PRKN: variants seen among roughly 807,000 people sequenced by gnomAD.
PRKN encodes the protein parkin RBR E3 ubiquitin protein ligase.
In PRKN, 56 loss-of-function variants were observed where a neutral mutation model predicts 59.5. That is an observed-to-expected ratio of 0.94 (90% CI 0.76 to 1.18). PRKN has a LOEUF of 1.18. PRKN is among the 50% of genes most tolerant of loss of function. The probability of loss-of-function intolerance (pLI) is 0.00; values close to 1 mark genes in which losing one functional copy is unlikely to be tolerated. For synonymous variants in PRKN, 250 were observed against 222.1 expected, an observed-to-expected ratio of 1.13 and a Z score of -1.12; for missense variants, 657 against 596.4, an observed-to-expected ratio of 1.10 and a Z score of -1.06.
chr6:161,856,602 A>G (rs1006306685), intron 6 of PRKN, among the ~76,000 whole-genome samples: 3 of 152,106 alleles, frequency 2.0e-5, no homozygotes, highest in Non-Finnish European at 2.9e-5. Context: ...AGTATTCAAT[A>G]TATTTCTACA....
At chr6:161,616,567 C>T (rs528856345) in intron 7 of PRKN, among the ~76,000 whole-genome samples, 1 of 152,206 alleles carries the variant, frequency 6.6e-6, no homozygotes, top group East Asian at 1.9e-4. Flanking sequence ...CCCTAGCCCC[C>T]CACCACCCAA....
intron 6 of PRKN, among the ~76,000 whole-genome samples, chr6:161,965,259 G>A (rs1017169157): frequency 1.8e-4 from 28 of 152,046 alleles, no homozygotes; most frequent in African/African-American, 5.6e-4. Context: ...AGGCAATTAT[G>A]AAACCATTTA....
intron 4 of PRKN, among the ~76,000 whole-genome samples, chr6:162,077,999 TCTAAAAA>T (rs1778901964): frequency 1.1e-4 from 6 of 53,838 alleles, no homozygotes; most frequent in African/African-American, 4.2e-4. Context: ...AGACTCTCTC[TCTAAAAA>T]AAAAAAAAAA....
intron 1 of PRKN, among the ~76,000 whole-genome samples, chr6:162,687,568 C>G (rs915639628): frequency 6.6e-6 from 1 of 152,110 alleles, no homozygotes; most frequent in African/African-American, 2.4e-5. Flanking sequence ...CATGCTTCTT[C>G]TTAACATGGT....
chr6:161,418,749 C>T (rs4709517), intron 9 of PRKN, among the ~76,000 whole-genome samples: 68,811 of 152,096 alleles, frequency 0.45, 16,194 homozygotes, highest in East Asian at 0.82. Flanking sequence ...CAACAATTCA[C>T]TCTTTCTATG....
intron 3 of PRKN, among the ~76,000 whole-genome samples, chr6:162,236,400 G>A (rs973059822): frequency 6.6e-6 from 1 of 152,056 alleles, no homozygotes; most frequent in Non-Finnish European, 1.5e-5. Flanking sequence ...CTGGCCCTAG[G>A]GTAAAACCCT....
At chr6:162,712,058 G>A (rs920559157) in intron 1 of PRKN, among the ~76,000 whole-genome samples, 3 of 152,126 alleles carry the variant, frequency 2.0e-5, no homozygotes, top group Non-Finnish European at 4.4e-5. Flanking sequence ...ATTAAATGCT[G>A]GTATGAGACA....
In PRKN at chr6:161,446,993, C is replaced by A. The variant is rs1789520770; in HGVS notation, c.1084-60116G>T. Among the ~76,000 whole-genome samples, 1 of 152,144 alleles carries A rather than the reference C, an allele frequency of 6.6e-6. No individual in the cohort carries two copies. Among genetic ancestry groups the A allele is most frequent in the Non-Finnish European group, 1.5e-5 (1 of 68,018 alleles). On this transcript the variant is annotated intron_variant, in intron 9 of 11. Transcript: ENST00000366898. This position sits in a 1 kb window ranked among gnomAD's most constrained non-coding sequence, Gnocchi z 6.2. ...GGTGAAAAAGTGGGCTTTTTTTCCC[C>A]CTTAAGGCTAAATAGGATTTCTTTT...
intron 9 of PRKN, among the ~76,000 whole-genome samples, chr6:161,412,630 C>T (rs1460470220): frequency 1.1e-4 from 15 of 142,310 alleles, no homozygotes; most frequent in Non-Finnish European, 1.5e-4. Context: ...ACTCATTCCT[C>T]GGCTCACTCA....
chr6:161,545,371 G>C lies in PRKN; in HGVS notation c.1083+3483C>G, dbSNP rs1779759576. 6.2e-7 allele frequency: 1 copy of C among 1,611,552 alleles called. No homozygotes were observed. Among genetic ancestry groups the C allele is most frequent in the Non-Finnish European group, 8.5e-7 (1 of 1,179,292 alleles). On this transcript the variant is annotated intron_variant, in intron 9 of 11. Coordinates refer to ENST00000366898, the MANE Select transcript of PRKN (RefSeq NM_004562.3). The surrounding 1 kb of genome is among the most constrained non-coding windows in gnomAD (Gnocchi z 4.1). ...GCTTTGCTACCAATGACTTTTCCTT[G>C]AACGATGTATTGAATGAGGCACTCA...
Position 161,355,839 on chromosome 6 carries a change from C to A in PRKN, c.1285+4249G>T, listed in dbSNP as rs1309713040. On this transcript the variant is annotated intron_variant, in intron 11 of 11. Transcript: ENST00000366898. This position sits in a 1 kb window ranked among gnomAD's most constrained non-coding sequence, Gnocchi z 6.8. ...GACAGATGGGGAACATGTAAATGAA[C>A]AAATTAAGCAATGATCTGGGAAGGA... 6.6e-6 allele frequency among the ~76,000 whole-genome samples: 1 copy of A among 152,144 alleles called. No individual in the cohort carries two copies. Among genetic ancestry groups the A allele is most frequent in the Non-Finnish European group, 1.5e-5 (1 of 68,038 alleles).
chr6:162,340,345 T>C (rs530521023), intron 2 of PRKN, among the ~76,000 whole-genome samples: 17 of 152,140 alleles, frequency 1.1e-4, no homozygotes, highest in Non-Finnish European at 2.1e-4. Flanking sequence ...AATTCATTGT[T>C]CTGAAAATTG....
At chr6:161,758,448 G>A (rs1789045411) in intron 7 of PRKN, among the ~76,000 whole-genome samples, 1 of 152,084 alleles carries the variant, frequency 6.6e-6, no homozygotes, top group South Asian at 2.1e-4. Flanking sequence ...AAATAATTTT[G>A]CTGTATCAAA....
intron 4 of PRKN, among the ~76,000 whole-genome samples, chr6:162,063,872 T>C (rs1778211838): frequency 6.6e-6 from 1 of 152,172 alleles, no homozygotes; most frequent in Non-Finnish European, 1.5e-5. Flanking sequence ...GTTAAACATA[T>C]AGTTAAACTA....
In PRKN at chr6:161,502,823, C is replaced by T. The variant is rs1183855417; in HGVS notation, c.1083+46031G>A. On this transcript the variant is annotated intron_variant, in intron 9 of 11. Coordinates refer to ENST00000366898, the MANE Select transcript of PRKN (RefSeq NM_004562.3). The surrounding 1 kb of genome is among the most constrained non-coding windows in gnomAD (Gnocchi z 4.0). ...GACAGGTGTGGAATGGTTATAAGTA[C>T]ATGCTCTGGAGTAGAAGGCTCTGGA... Among the ~76,000 whole-genome samples the T allele has an allele frequency of 6.6e-6, 1 of 152,128 alleles. No individual in the cohort carries two copies. Among genetic ancestry groups the T allele is most frequent in the African/African-American group, 2.4e-5 (1 of 41,428 alleles).
intron 7 of PRKN, among the ~76,000 whole-genome samples, chr6:161,644,406 G>A (rs1033151754): frequency 6.6e-6 from 1 of 152,216 alleles, no homozygotes; most frequent in African/African-American, 2.4e-5. Flanking sequence ...GTTAAGGATA[G>A]TCTTTGAAGG....
chr6:162,015,122 G>A (rs1005729254), intron 5 of PRKN, among the ~76,000 whole-genome samples: 8 of 152,098 alleles, frequency 5.3e-5, no homozygotes, highest in South Asian at 2.1e-4. Context: ...GAAGCCAACC[G>A]TTCAAATTTA....
At chr6:162,073,318 C>A (rs1778664544) in intron 4 of PRKN, among the ~76,000 whole-genome samples, 1 of 152,214 alleles carries the variant, frequency 6.6e-6, no homozygotes, top group South Asian at 2.1e-4. Flanking sequence ...TTAACCAGAG[C>A]AAGTGTCTAT....
At chr6:161,594,156 C>T (rs1463874172) in intron 7 of PRKN, among the ~76,000 whole-genome samples, 1 of 152,052 alleles carries the variant, frequency 6.6e-6, no homozygotes, top group Non-Finnish European at 1.5e-5. Context: ...GAGCAAGACT[C>T]CGTCTCAAAA....
Sources: gnomAD v4.1 joint callset for allele counts (sites outside exome capture counted in the v4.1 genomes callset) on GRCh38, gnomAD v4.1.1 for gene constraint, Gnocchi (gnomAD v3.1) non-coding constraint, MANE v1.5 for transcripts, NCBI Gene and HGNC (gene_info 2026-07-23, HGNC 2026-07-21) for gene names.